ANKAR: variants seen among roughly 807,000 people sequenced by gnomAD.
The protein encoded by ANKAR is ankyrin and armadillo repeat containing.
In ANKAR, 136 loss-of-function variants were observed where a neutral mutation model predicts 146.2. The observed-to-expected ratio is 0.93, with a 90% CI of 0.81 to 1.07. ANKAR has a LOEUF of 1.07. Among genes scored for constraint, ANKAR ranks in the 50% least tolerant of loss-of-function variants. The probability of loss-of-function intolerance (pLI) is 0.00; values close to 1 mark genes in which losing one functional copy is unlikely to be tolerated. For missense variants in ANKAR, 1,567 were observed against 1,679.9 expected, an observed-to-expected ratio of 0.93 and a Z score of 1.18; for synonymous variants, 500 against 575.8, an observed-to-expected ratio of 0.87 and a Z score of 1.88.
downstream of ANKAR, chr2:189,761,438 T>A: frequency 6.2e-7 from 1 of 1,602,992 alleles, no homozygotes; most frequent in South Asian, 1.1e-5. Flanking sequence ...AACTTCAGTT[T>A]GGGAATGTAT....
intron 18 of ANKAR, among the ~76,000 whole-genome samples, chr2:189,757,882 G>A (rs1277971433): frequency 6.6e-6 from 1 of 152,186 alleles, no homozygotes; most frequent in Admixed American, 6.5e-5. Flanking sequence ...TAAACTGAAT[G>A]TCTAGTACTT....
intron 2 of ANKAR, 84 bp downstream of exon 2, chr2:189,677,175 C>T: frequency 7.4e-7 from 1 of 1,357,284 alleles, no homozygotes; most frequent in Non-Finnish European, 9.7e-7. Context: ...GGTCACGAAC[C>T]CCTGAGCTCA....
Position 189,689,933 on chromosome 2 carries a change from A to G in ANKAR, c.1008A>G (p.Pro336=), listed in dbSNP as rs1450558447. Residue 336 remains proline (P), a synonymous_variant, in exon 3 of 23, where the codon CCA becomes CCG. Coordinates refer to ENST00000684021, the MANE Select transcript of ANKAR (RefSeq NM_001378068.1). ...GTTTAAAGAAGAAAATGAAAGTTCCATATTTAAGTAGTCTGCTTCAGCCTT... is the reference window on the plus strand; with the variant it reads ...GTTTAAAGAAGAAAATGAAAGTTCCGTATTTAAGTAGTCTGCTTCAGCCTT... The part of the protein sequence containing the change: ...LLSLKKKMKV[P]YLSSLLQPFS... 14 of 1,535,694 alleles carry G rather than the reference A, an allele frequency of 9.1e-6. No individual in the cohort carries two copies. Among genetic ancestry groups the G allele is most frequent in the African/African-American group, 1.4e-5 (1 of 71,598 alleles).
intron 18 of ANKAR, chr2:189,755,136 A>G (rs1574881022): frequency 1.9e-6 from 3 of 1,586,674 alleles, no homozygotes; most frequent in Admixed American, 2.0e-5. Context: ...AATGGACAAC[A>G]TAACAAAAAA....
intron 20 of ANKAR, among the ~76,000 whole-genome samples, chr2:189,742,166 A>C (rs2043398937): frequency 6.6e-6 from 1 of 152,132 alleles, no homozygotes; most frequent in Non-Finnish European, 1.5e-5. Flanking sequence ...AGGGCCTGTT[A>C]TATTGCTTGG....
At chr2:189,747,108 G>C (rs1453999594), downstream of ANKAR, 1 of 153,232 alleles carries the variant, frequency 6.5e-6, no homozygotes, top group Admixed American at 6.5e-5. Flanking sequence ...GGCCAAGGTG[G>C]GAGGATCACT....
intron 14 of ANKAR, 48 bp from the exon 15 acceptor site, chr2:189,728,612 G>C (rs745379682): frequency 2.3e-5 from 37 of 1,591,704 alleles, no homozygotes; most frequent in Middle Eastern, 3.4e-4. Flanking sequence ...GCATAATGTA[G>C]AACAGGGCAC....
chr2:189,749,943 G>A (rs779454665), downstream of ANKAR, among the ~76,000 whole-genome samples: 7 of 152,068 alleles, frequency 4.6e-5, no homozygotes, highest in Non-Finnish European at 7.4e-5. Context: ...GCAACATGGT[G>A]AAACCCCATC....
At chr2:189,715,884 A>G (rs1184386518) in intron 10 of ANKAR, among the ~76,000 whole-genome samples, 2 of 152,242 alleles carry the variant, frequency 1.3e-5, no homozygotes, top group Non-Finnish European at 2.9e-5. Flanking sequence ...GACAAAATTC[A>G]ACAGCCCTTC....
chr2:189,762,816 C>T (rs748252803), downstream of ANKAR: 3 of 985,338 alleles, frequency 3.0e-6, no homozygotes, highest in African/African-American at 5.2e-5. Context: ...TGCAAGGTCC[C>T]GTCCAGAGCT....
At chr2:189,710,741 G>T (rs1452780735) in intron 9 of ANKAR, among the ~76,000 whole-genome samples, 1 of 152,242 alleles carries the variant, frequency 6.6e-6, no homozygotes, top group Non-Finnish European at 1.5e-5. Flanking sequence ...GATCCAGGCT[G>T]CAGTGAGCTG....
chr2:189,761,333 C>A, downstream of ANKAR: 1 of 1,384,692 alleles, frequency 7.2e-7, no homozygotes, highest in South Asian at 1.5e-5. Flanking sequence ...GACAGTAGCT[C>A]CTGAAAACTT....
At chr2:189,753,305 GA>G (rs1183749707) in intron 18 of ANKAR, among the ~76,000 whole-genome samples, 45 of 152,054 alleles carry the variant, frequency 3.0e-4, no homozygotes, top group Non-Finnish European at 4.6e-4. Flanking sequence ...ACATAACTCT[GA>G]AAAAATTATT....
intron 22 of ANKAR, among the ~76,000 whole-genome samples, chr2:189,745,027 C>CTACTACTACTACTAATAATAA (rs376824673): frequency 0.04 from 5,243 of 130,952 alleles, 156 homozygotes; most frequent in East Asian, 0.13. Flanking sequence ...ACTACTACTA[C>CTACTACTACTACTAATAATAA]TAATAATACA....
At chr2:189,746,356 C>A in intron 22 of ANKAR, 24 bp from the exon 23 acceptor site, 1 of 1,587,088 alleles carries the variant, frequency 6.3e-7, no homozygotes, top group Non-Finnish European at 8.5e-7. Flanking sequence ...TCAGGAGAGA[C>A]ATTTAATTGT....
chr2:189,694,871 A>G, intron 5 of ANKAR, 110 bp from the exon 6 acceptor site: 1 of 631,082 alleles, frequency 1.6e-6, no homozygotes, highest in Non-Finnish European at 2.5e-6. Flanking sequence ...TTAAACTACC[A>G]TTTTGTATTT....
In ANKAR at chr2:189,742,957, CA is replaced by C. The variant is rs1559147854; in HGVS notation, c.3811-317del. Among the ~76,000 whole-genome samples the C allele has an allele frequency of 1.1e-4, 16 of 144,432 alleles. No individual in the cohort carries two copies. In the South Asian group the frequency reaches 1.8e-3, roughly 16 times the overall value. 94.8% of individuals were successfully genotyped at this position (144,432 alleles called of 152,430 possible). A position where few individuals can be genotyped will look rare whatever the true frequency, so the allele number is the denominator to read the frequency against. On this transcript the variant is annotated intron_variant, in intron 20 of 22. Transcript: ENST00000684021. ...ACACACACACACACACACACACACACACACACACACACACACACACACACCC... is the reference window on the plus strand; with the variant it reads ...ACACACACACACACACACACACACACCACACACACACACACACACACACCC...
chr2:189,706,123 C>T (rs1559092071), intron 8 of ANKAR, among the ~76,000 whole-genome samples: 2 of 151,900 alleles, frequency 1.3e-5, no homozygotes, highest in South Asian at 2.1e-4. Context: ...AGGCCAGGTG[C>T]GGTGGCTCAA....
intron 17 of ANKAR, among the ~76,000 whole-genome samples, chr2:189,736,569 TA>T (rs1390825958): frequency 7.4e-5 from 11 of 149,030 alleles, no homozygotes; most frequent in African/African-American, 2.7e-4. Flanking sequence ...AAATTTCAAA[TA>T]TATATAAAAT....
Sources: gnomAD v4.1 joint callset for allele counts (sites outside exome capture counted in the v4.1 genomes callset) on GRCh38, gnomAD v4.1.1 for gene constraint, MANE v1.5 for transcripts, NCBI Gene and HGNC (gene_info 2026-07-23, HGNC 2026-07-21) for gene names.